Variants in PTCD1 observed in about 807,000 individuals in gnomAD.
The protein encoded by PTCD1 is pentatricopeptide repeat domain 1.
Under a neutral mutation model 53.4 loss-of-function variants are expected in PTCD1, and 50 were observed. That is an observed-to-expected ratio of 0.94 (90% confidence interval 0.75 to 1.19). The LOEUF (loss-of-function observed/expected upper bound fraction) is 1.19. PTCD1 is among the 50% of genes most tolerant of loss of function. The probability of loss-of-function intolerance (pLI) is 0.00; values close to 1 mark genes in which losing one functional copy is unlikely to be tolerated. For missense variants in PTCD1, 918 were observed against 904.8 expected (o/e 1.01, Z -0.19); for synonymous variants, 413 against 394.8 (o/e 1.05, Z -0.55).
At position 99,435,292 on chromosome 7, in the gene PTCD1, G is replaced by T. The variant is rs775850328; in HGVS notation, c.-26-24C>A. ...GCCTGGAATATATCAGGAAAAATAA[G>T]AGAGTCAACTCAGTTCCTAGTAACA... is the stretch of plus-strand genomic sequence containing the variant. On this transcript the variant is annotated intron_variant, in intron 1 of 7. Coordinates refer to ENST00000292478, the MANE Select transcript of PTCD1 (RefSeq NM_015545.4). The T allele has an allele frequency of 2.5e-6, 4 of 1,599,248 alleles. No homozygotes were observed. In the African/African-American group the frequency reaches 5.3e-5, roughly 21 times the overall value.
Position 99,420,100 on chromosome 7 carries a change from T to C in PTCD1, c.1970A>G (p.Tyr657Cys), listed in dbSNP as rs761777624. 1.2e-6 allele frequency: 2 copies of C among 1,614,090 alleles called. No individual in the cohort carries two copies. Among genetic ancestry groups the C allele is most frequent in the East Asian group, 2.2e-5 (1 of 44,898 alleles). The change falls in exon 8 of 8, where the codon TAT becomes TGT. Residue 657 changes from tyrosine to cysteine, a missense_variant. Coordinates refer to ENST00000292478, the MANE Select transcript of PTCD1 (RefSeq NM_015545.4). ...CATCACTGTCAGCCACTGCTTGTAA[T>C]AGGCTCGGAAGCCGTCAATCTTCTC... Reference protein sequence around the residue: ...YLEKIDGFRAYYKQWLTVMPA... With the variant: ...YLEKIDGFRACYKQWLTVMPA...
At chr7:99,431,489 T>A (rs2150957642) in intron 3 of PTCD1, among the ~76,000 whole-genome samples, 1 of 152,276 alleles carries the variant, frequency 6.6e-6, no homozygotes, top group East Asian at 1.9e-4. Context: ...CGCCTGTAAT[T>A]CTAGCACTTT....
chr7:99,427,326 G>T (rs577687161), intron 5 of PTCD1, among the ~76,000 whole-genome samples: 1 of 143,038 alleles, frequency 7.0e-6, no homozygotes, highest in Non-Finnish European at 1.5e-5. Context: ...CCCCCCGCCC[G>T]GCCAGCCGCC....
In PTCD1 at chr7:99,418,069, G is replaced by A. The variant is rs1795606811; in HGVS notation, c.*1898C>T. Reference sequence around the variant, plus strand: ...TGCAACCTCCACCTCCCGGGTTCAAGCGGTTCTCCTGCCTCATCCTCCTGA... The same window carrying A: ...TGCAACCTCCACCTCCCGGGTTCAAACGGTTCTCCTGCCTCATCCTCCTGA... On this transcript the variant is annotated 3_prime_UTR_variant, in exon 8 of 8. Transcript: ENST00000292478. 5.4e-6 allele frequency: 5 copies of A among 918,980 alleles called. No homozygotes were observed. The highest frequency in any genetic ancestry group is 6.8e-6 in the Non-Finnish European group (5 of 734,912). The allele number at this position is 918,980 out of a possible 1,614,324, so 56.9% of individuals were successfully genotyped here. A position where few individuals can be genotyped will look rare whatever the true frequency, so the allele number is the denominator to read the frequency against.
At chr7:99,438,398 T>C (rs1043914497) in intron 1 of PTCD1, among the ~76,000 whole-genome samples, 3 of 152,082 alleles carry the variant, frequency 2.0e-5, no homozygotes, top group Non-Finnish European at 2.9e-5. Flanking sequence ...GTCTGAGAAG[T>C]TGACTGCAGT....
At chr7:99,428,832 T>C (rs961419764) in intron 5 of PTCD1, among the ~76,000 whole-genome samples, 1 of 141,786 alleles carries the variant, frequency 7.1e-6, no homozygotes, top group African/African-American at 2.6e-5. Context: ...CAGGTGAGTG[T>C]GTGGCAGGCT....
chr7:99,420,337 C>T (rs1294589377), intron 7 of PTCD1, among the ~76,000 whole-genome samples, 188 bp from the exon 8 acceptor site: 4 of 152,174 alleles, frequency 2.6e-5, no homozygotes, highest in Admixed American at 6.5e-5. Context: ...AACAGGTCCC[C>T]GCTGGGTACC....
At chr7:99,423,561 G>A (rs1480755271) in intron 7 of PTCD1, among the ~76,000 whole-genome samples, 1 of 152,182 alleles carries the variant, frequency 6.6e-6, no homozygotes, top group Non-Finnish European at 1.5e-5. Context: ...GACAGACAGA[G>A]AAAGCAAACG....
Position 99,424,975 on chromosome 7 carries a change from G to A in PTCD1, c.1557C>T (p.Asp519=), listed in dbSNP as rs751269088. ...ALLDEHQVEA[D]LTFFNTLVRK... ...TCACCAGCGTGTTAAAGAATGTCAG[G>A]TCGGCCTCTACCTGGTGCTCATCCA... The change falls in exon 6 of 8, where the codon GAC becomes GAT. Residue 519 remains aspartate, a synonymous_variant. Transcript: ENST00000292478. The A allele has an allele frequency of 1.9e-6, 3 of 1,614,244 alleles. No individual in the cohort carries two copies. In the South Asian group the frequency reaches 3.3e-5, roughly 18 times the overall value.
chr7:99,432,440 C>A (rs1489750141), intron 3 of PTCD1, among the ~76,000 whole-genome samples: 1 of 152,176 alleles, frequency 6.6e-6, no homozygotes, highest in Non-Finnish European at 1.5e-5. Context: ...CTTCCTTAAA[C>A]TTATTTATGA....
Position 99,424,788 on chromosome 7 carries a change from C to T in PTCD1, c.1737+7G>A. On this transcript the variant is annotated splice_region_variant and intron_variant, in intron 6 of 7. Coordinates refer to ENST00000292478, the MANE Select transcript of PTCD1 (RefSeq NM_015545.4). ...TGGGTGTCCTGCCCAGGCCCGAGTC[C>T]ACTCACCTTCATGTCTGTGAGAAGC... 1 of 1,614,126 alleles carries T rather than the reference C, an allele frequency of 6.2e-7. No individual in the cohort carries two copies. Among genetic ancestry groups the T allele is most frequent in the South Asian group, 1.1e-5 (1 of 91,044 alleles).
chr7:99,417,722 T>A lies in PTCD1; in HGVS notation c.*2245A>T. ...TTGTCCCTGGATGTCCTGCTGGCTC[T>A]CCCTCGTGGGAGTGGGTCCCTGTAT... On this transcript the variant is annotated 3_prime_UTR_variant, in exon 8 of 8. Transcript: ENST00000292478. The A allele has an allele frequency of 6.5e-7, 1 of 1,538,850 alleles. No homozygotes were observed. Among genetic ancestry groups the A allele is most frequent in the South Asian group, 1.2e-5 (1 of 83,840 alleles).
intron 3 of PTCD1, chr7:99,433,040 G>GTT: frequency 1.2e-5 from 7 of 591,492 alleles, no homozygotes; most frequent in African/African-American, 1.9e-5. Flanking sequence ...GGCTCCCTCT[G>GTT]TTTTTTTTTG....
At chr7:99,430,892 C>G (rs1007928713) in intron 3 of PTCD1, among the ~76,000 whole-genome samples, 1 of 151,910 alleles carries the variant, frequency 6.6e-6, no homozygotes, top group Admixed American at 6.6e-5. Flanking sequence ...GCCAACATGG[C>G]GAAACCCCGT....
At position 99,429,323 on chromosome 7, in the gene PTCD1, G is replaced by GTCAGGAGT. The variant is rs2150955490; in HGVS notation, c.814-120_814-119insACTCCTGA. ...GCAGGATGATCACTTGAGGCCAGGA[G>GTCAGGAGT]TTTTGTGACCAGCCTGGGCAACATA... On this transcript the variant is annotated intron_variant, in intron 4 of 7. Coordinates refer to ENST00000292478, the MANE Select transcript of PTCD1 (RefSeq NM_015545.4). 3.0e-6 allele frequency: 4 copies of GTCAGGAGT among 1,342,380 alleles called. No individual in the cohort carries two copies. The South Asian group carries it at 4.8e-5, about 16-fold the overall frequency. The allele number at this position is 1,342,380 out of a possible 1,614,324, so 83.2% of individuals were successfully genotyped here. A position where few individuals can be genotyped will look rare whatever the true frequency, so the allele number is the denominator to read the frequency against.
At chr7:99,434,507 CTTT>C (rs769483583) in intron 2 of PTCD1, among the ~76,000 whole-genome samples, 1 of 140,276 alleles carries the variant, frequency 7.1e-6, no homozygotes, top group Non-Finnish European at 1.6e-5. Flanking sequence ...TTTCTTTTTC[CTTT>C]TTTTTTTTTT....
intron 5 of PTCD1, among the ~76,000 whole-genome samples, chr7:99,427,580 G>A (rs1398682617): frequency 3.3e-5 from 5 of 152,262 alleles, no homozygotes; most frequent in East Asian, 1.9e-4. Context: ...CCCTCTGCCC[G>A]GCCACCACCC....
At chr7:99,430,299 G>A (rs1796207052) in intron 3 of PTCD1, among the ~76,000 whole-genome samples, 2 of 152,246 alleles carry the variant, frequency 1.3e-5, no homozygotes, top group South Asian at 4.1e-4. Context: ...CACATTCTCA[G>A]GGCCACCTGA....
chr7:99,436,162 T>G (rs892836246), intron 1 of PTCD1, among the ~76,000 whole-genome samples: 2 of 151,948 alleles, frequency 1.3e-5, no homozygotes, highest in African/African-American at 4.8e-5. Context: ...AGGCTGGTCT[T>G]GAACTCCTGG....
Sources: gnomAD v4.1 joint callset for allele counts (sites outside exome capture counted in the v4.1 genomes callset) on GRCh38, gnomAD v4.1.1 for gene constraint, MANE v1.5 for transcripts, NCBI Gene and HGNC (gene_info 2026-07-23, HGNC 2026-07-21) for gene names.